PCDHA9: variants seen among roughly 807,000 people sequenced by gnomAD.
The protein encoded by PCDHA9 is protocadherin alpha-9.
PCDHA9 carries 62 observed loss-of-function variants against 62.0 expected under a neutral mutation model. That is an observed-to-expected ratio of 1.00 (90% CI 0.81 to 1.23). The LOEUF is 1.23. Among genes scored for constraint, PCDHA9 ranks in the 50% most tolerant of loss-of-function variants. PCDHA9 has a pLI of 0.00. For synonymous variants in PCDHA9, 557 were observed against 567.6 expected, an observed-to-expected ratio of 0.98 and a Z score of 0.27; for missense variants, 1,205 against 1,249.8, an observed-to-expected ratio of 0.96 and a Z score of 0.54.
At chr5:140,870,161 C>T (rs745813666) in intron 1 of PCDHA9, 10 of 1,614,124 alleles carry the variant, frequency 6.2e-6, no homozygotes, top group Non-Finnish European at 8.5e-6. Context: ...GCCGTGACTT[C>T]CTTGTCCCTC....
intron 1 of PCDHA9, among the ~76,000 whole-genome samples, chr5:140,915,554 G>A (rs1276502641): frequency 6.6e-6 from 1 of 152,036 alleles, no homozygotes; most frequent in Non-Finnish European, 1.5e-5. Context: ...ATAAGATCCA[G>A]AATGATTATC....
At chr5:140,927,627 T>A (rs145171269) in intron 1 of PCDHA9, 5 of 1,614,062 alleles carry the variant, frequency 3.1e-6, no homozygotes, top group Non-Finnish European at 3.4e-6. Flanking sequence ...TTCCAGAGAC[T>A]GCACCCAATG....
Position 140,968,192 on chromosome 5 carries a change from A to G in PCDHA9, c.2395-10757A>G, listed in dbSNP as rs555596025. The G allele has an allele frequency of 2.5e-6, 4 of 1,614,038 alleles. No individual in the cohort carries two copies. The Admixed American group carries it at 5.0e-5, about 20-fold the overall frequency. ...AAGCTTCCTGGAGGACTCCTATTCC[A>G]TCTACATACAGGAGAACAATTTGCC... On this transcript the variant is annotated intron_variant, in intron 1 of 3. Coordinates refer to ENST00000532602, the MANE Select transcript of PCDHA9 (RefSeq NM_031857.2).
chr5:140,857,677 T>C lies in PCDHA9; in HGVS notation c.2394+6788T>C, dbSNP rs377237803. 36 of 1,596,766 alleles carry C rather than the reference T, an allele frequency of 2.3e-5. 2 individuals carry two copies. In the African/African-American group the frequency reaches 4.6e-4, roughly 20 times the overall value. On this transcript the variant is annotated intron_variant, in intron 1 of 3. Transcript: ENST00000532602. ...GCGCGCGCGATGGGGGCGTGCCGCC[T>C]CTGGGCAGCAACTTGACGCTGCAGG...
At position 140,848,619 on chromosome 5, in the gene PCDHA9, G is replaced by A. The variant is rs2150415128; in HGVS notation, c.124G>A (p.Gly42Ser). The change falls in exon 1 of 4, where the codon GGC becomes AGC. Residue 42 changes from glycine (G) to serine (S), a missense_variant. Coordinates refer to ENST00000532602, the MANE Select transcript of PCDHA9 (RefSeq NM_031857.2). Reference sequence around the variant, plus strand: ...CTCCGTCCCGGAGGAAGCCGAACACGGCACCTTCGTGGGCCGCATCGCGCA... The same window carrying A: ...CTCCGTCCCGGAGGAAGCCGAACACAGCACCTTCGTGGGCCGCATCGCGCA... ...HYSVPEEAEH[G>S]TFVGRIAQDL... 2 of 1,593,396 alleles carry A rather than the reference G, an allele frequency of 1.3e-6. No individual in the cohort carries two copies. Among genetic ancestry groups the A allele is most frequent in the Admixed American group, 1.7e-5 (1 of 59,226 alleles).
chr5:140,889,265 A>G (rs900785254), intron 1 of PCDHA9, among the ~76,000 whole-genome samples: 7 of 151,968 alleles, frequency 4.6e-5, no homozygotes, highest in African/African-American at 2.4e-5. Context: ...AAAAGTTTGT[A>G]TAATCTTTGA....
chr5:140,853,528 C>G, intron 1 of PCDHA9: 1 of 978,674 alleles, frequency 1.0e-6, no homozygotes, highest in South Asian at 4.8e-5. Context: ...CCTCCTATGT[C>G]TCTTTTCAAG....
At position 140,848,641 on chromosome 5, in the gene PCDHA9, C is replaced by T; in HGVS notation, c.146C>T (p.Ala49Val). The change falls in exon 1 of 4, where the codon GCG becomes GTG. Residue 49 changes from alanine (A) to valine (V), a missense_variant. Transcript: ENST00000532602. ...AEHGTFVGRIAQDLGLELAEL... is the reference protein window; with the variant it reads ...AEHGTFVGRIVQDLGLELAEL... ...CACGGCACCTTCGTGGGCCGCATCG[C>T]GCAGGACCTGGGGCTGGAGCTGGCG... The T allele has an allele frequency of 6.3e-7, 1 of 1,593,240 alleles. No homozygotes were observed. Among genetic ancestry groups the T allele is most frequent in the South Asian group, 1.1e-5 (1 of 90,280 alleles).
chr5:140,924,907 A>AAT (rs1554202344), intron 1 of PCDHA9, among the ~76,000 whole-genome samples: 14 of 50,940 alleles, frequency 2.7e-4, no homozygotes, highest in African/African-American at 6.9e-4. Context: ...AAAAAAAAAT[A>AAT]AAATAAAATA....
chr5:141,006,282 G>A (rs2098265578), intron 3 of PCDHA9, among the ~76,000 whole-genome samples: 1 of 151,970 alleles, frequency 6.6e-6, no homozygotes, highest in Non-Finnish European at 1.5e-5. Context: ...CACGATCTCA[G>A]CTCACTGCAA....
chr5:140,877,581 C>G (rs904001764), intron 1 of PCDHA9: 1 of 1,613,842 alleles, frequency 6.2e-7, no homozygotes, highest in Admixed American at 1.7e-5. Context: ...TCATCATCGC[C>G]ATCTGTGCGG....
At chr5:140,934,771 A>G (rs1319115042) in intron 1 of PCDHA9, among the ~76,000 whole-genome samples, 2 of 152,184 alleles carry the variant, frequency 1.3e-5, no homozygotes, top group Non-Finnish European at 2.9e-5. Context: ...CATATTTGAT[A>G]TGGCCCAATC....
In PCDHA9 at chr5:140,850,181, G is replaced by A. The variant is rs2150471604; in HGVS notation, c.1686G>A (p.Ala562=). Residue 562 remains alanine (A), a synonymous_variant, in exon 1 of 4, where the codon GCG becomes GCA. Transcript: ENST00000532602. ...TCGTGCTGGACGAGAACGACAATGC[G>A]CCGGCGCTGCTGACACCTCGGATGA... ...QVFVLDENDN[A]PALLTPRMRG... is the part of the protein sequence containing the mutation. The A allele has an allele frequency of 1.3e-6, 2 of 1,593,852 alleles. No homozygotes were observed. Among genetic ancestry groups the A allele is most frequent in the East Asian group, 2.2e-5 (1 of 44,828 alleles).
intron 1 of PCDHA9, chr5:140,864,420 G>A (rs1430010861): frequency 5.3e-5 from 8 of 152,158 alleles, no homozygotes; most frequent in African/African-American, 1.4e-4. Flanking sequence ...AGGCAGCTTC[G>A]TCCACAAACA....
At chr5:140,977,043 T>G (rs2096743110) in intron 1 of PCDHA9, among the ~76,000 whole-genome samples, 1 of 152,226 alleles carries the variant, frequency 6.6e-6, no homozygotes. Flanking sequence ...AGGATGTTGT[T>G]GCTGATGGAC....
At chr5:140,999,524 C>T (rs1367103048) in intron 3 of PCDHA9, among the ~76,000 whole-genome samples, 1 of 152,026 alleles carries the variant, frequency 6.6e-6, no homozygotes, top group Non-Finnish European at 1.5e-5. Context: ...ATTTTGTTAC[C>T]CCCTGGATAT....
At chr5:140,927,940 C>T (rs1247043975) in intron 1 of PCDHA9, 1 of 1,614,108 alleles carries the variant, frequency 6.2e-7, no homozygotes, top group African/African-American at 1.3e-5. Flanking sequence ...GAACCCAGTA[C>T]CTGAGGACGC....
chr5:140,857,802 T>G (rs251364), intron 1 of PCDHA9: 998,681 of 1,596,370 alleles, frequency 0.63, 345,026 homozygotes, highest in African/African-American at 0.69. Context: ...CGGTCGGTGG[T>G]TGCGGGTCAC....
At position 140,851,655 on chromosome 5, in the gene PCDHA9, T is replaced by C. The variant is rs1554145502; in HGVS notation, c.2394+766T>C. 3 of 911,452 alleles carry C rather than the reference T, an allele frequency of 3.3e-6. No individual in the cohort carries two copies. In the African/African-American group the frequency reaches 5.4e-5, roughly 16 times the overall value. 56.5% of individuals were successfully genotyped at this position (911,452 alleles called of 1,614,324 possible). ...GTGTTTCCTTTCTTCAAGAAGACAT[T>C]CTCCTTTTAATTGAAATTTTCTCCA... On this transcript the variant is annotated intron_variant, in intron 1 of 3. Transcript: ENST00000532602.
Sources: gnomAD v4.1 joint callset for allele counts (sites outside exome capture counted in the v4.1 genomes callset) on GRCh38, gnomAD v4.1.1 for gene constraint, MANE v1.5 for transcripts, NCBI Gene and HGNC (gene_info 2026-07-23, HGNC 2026-07-21) for gene names.